Variants in CENPU observed in about 807,000 individuals in gnomAD.
The protein encoded by CENPU is KSHV latent nuclear antigen interacting protein 1.
CENPU carries 46 observed loss-of-function variants against 56.7 expected under a neutral mutation model. The ratio of observed to expected loss-of-function variants is 0.81; its 90% CI spans 0.64 to 1.04. The LOEUF (loss-of-function observed/expected upper bound fraction) is 1.04, where lower values mean the gene tolerates loss of function less well. Among genes scored for constraint, CENPU ranks in the 50% least tolerant of loss-of-function variants. CENPU has a pLI of 0.00. For missense variants in CENPU, 510 were observed against 490.1 expected, an observed-to-expected ratio of 1.04 and a Z score of -0.38; for synonymous variants, 166 against 163.0, an observed-to-expected ratio of 1.02 and a Z score of -0.14.
Position 184,734,072 on chromosome 4 carries a change from C to G in CENPU, c.-10G>C, listed in dbSNP as rs1009965835. On this transcript the variant is annotated 5_prime_UTR_variant, in exon 1 of 13. Coordinates refer to ENST00000281453, the MANE Select transcript of CENPU (RefSeq NM_024629.4). ...GCCCCCGCGGGGCCATGGTGCCGCT[C>G]TCCGCTCTCGAGCGACTGGAAGCTC... 1.9e-6 allele frequency: 3 copies of G among 1,550,656 alleles called. No homozygotes were observed. Among genetic ancestry groups the G allele is most frequent in the East Asian group, 4.9e-5 (2 of 41,172 alleles).
chr4:184,696,781 A>C (rs28542773), intron 12 of CENPU, among the ~76,000 whole-genome samples: 3 of 151,840 alleles, frequency 2.0e-5, no homozygotes, highest in African/African-American at 7.2e-5. Context: ...GGCAGATGGC[A>C]TAACAGTAGC....
At chr4:184,719,143 C>T (rs1370904659) in intron 4 of CENPU, among the ~76,000 whole-genome samples, 2 of 151,954 alleles carry the variant, frequency 1.3e-5, no homozygotes, top group African/African-American at 4.8e-5. Context: ...TGCAGGAACA[C>T]CAAGTTTAAC....
intron 4 of CENPU, among the ~76,000 whole-genome samples, chr4:184,723,586 GTAATC>G (rs1761348410): frequency 6.6e-6 from 1 of 152,138 alleles, no homozygotes; most frequent in South Asian, 2.1e-4. Context: ...GCTAACGCCT[GTAATC>G]CTAGCACTTT....
Position 184,695,372 on chromosome 4 carries a change from TA to T in CENPU, c.1172del (p.Leu391TyrfsTer21). The T allele has an allele frequency of 6.2e-7, 1 of 1,613,210 alleles. No homozygotes were observed. The highest frequency in any genetic ancestry group is 8.5e-7 in the Non-Finnish European group (1 of 1,179,256). On this transcript the variant is annotated frameshift_variant, in exon 13 of 13. Coordinates refer to ENST00000281453, the MANE Select transcript of CENPU (RefSeq NM_024629.4). LOFTEE classifies it high-confidence loss of function. Reference protein sequence around the residue: ...TYDSSSLPALLFKARTLLGAE... With the variant: ...TYDSSSLPALXFKARTLLGAE... Reference sequence around the variant, plus strand: ...CTCCCAGAAGTGTTCTTGCTTTAAATAACAGAGCTGGAAGGCTGGATGAATC... The same window carrying T: ...CTCCCAGAAGTGTTCTTGCTTTAAATACAGAGCTGGAAGGCTGGATGAATC...
chr4:184,697,447 T>C (rs987843442), intron 12 of CENPU, among the ~76,000 whole-genome samples, 200 bp downstream of exon 12: 2 of 151,178 alleles, frequency 1.3e-5, no homozygotes, highest in Non-Finnish European at 3.0e-5. Context: ...TTCTAGACAT[T>C]ACTCCTCCAG....
At chr4:184,727,357 A>G (rs1473248139) in intron 3 of CENPU, among the ~76,000 whole-genome samples, 1 of 152,186 alleles carries the variant, frequency 6.6e-6, no homozygotes, top group East Asian at 1.9e-4. Flanking sequence ...ATGGATGGTG[A>G]TGATGGTTGC....
chr4:184,733,917 T>A, intron 1 of CENPU, 99 bp downstream of exon 1: 2 of 1,525,788 alleles, frequency 1.3e-6, no homozygotes, highest in South Asian at 1.1e-5. Flanking sequence ...ACCTCCACAG[T>A]GGAGCACCAA....
chr4:184,731,799 C>T (rs999305194), intron 1 of CENPU, among the ~76,000 whole-genome samples: 6 of 151,718 alleles, frequency 4.0e-5, no homozygotes, highest in Admixed American at 1.3e-4. Flanking sequence ...GTTTTAGTAT[C>T]CTTTTATCTG....
chr4:184,705,235 C>T (rs914068040), intron 8 of CENPU, among the ~76,000 whole-genome samples: 1 of 152,160 alleles, frequency 6.6e-6, no homozygotes, highest in African/African-American at 2.4e-5. Context: ...AGAATGTTAC[C>T]TAGCAATGAA....
At chr4:184,712,161 T>C (rs1244550288) in intron 7 of CENPU, among the ~76,000 whole-genome samples, 1 of 144,224 alleles carries the variant, frequency 6.9e-6, no homozygotes, top group African/African-American at 2.5e-5. Context: ...TTTATTCAAA[T>C]AGCCAAAACC....
intron 6 of CENPU, among the ~76,000 whole-genome samples, chr4:184,715,441 T>C (rs974055602): frequency 9.9e-5 from 15 of 152,136 alleles, no homozygotes; most frequent in African/African-American, 3.4e-4. Context: ...ACCTTCTGAG[T>C]AGCTGCGATT....
intron 3 of CENPU, 107 bp downstream of exon 3, chr4:184,728,811 T>A: frequency 1.3e-6 from 1 of 777,586 alleles, no homozygotes. Context: ...TATATTTACA[T>A]GCAGGCAACT....
At chr4:184,718,276 A>G (rs888059317) in intron 4 of CENPU, among the ~76,000 whole-genome samples, 5 of 152,180 alleles carry the variant, frequency 3.3e-5, no homozygotes, top group Admixed American at 6.5e-5. Context: ...ATTCCTCCAG[A>G]GCTCCGCAGT....
chr4:184,724,230 C>T (rs1761381745), intron 4 of CENPU, among the ~76,000 whole-genome samples: 1 of 152,156 alleles, frequency 6.6e-6, no homozygotes, highest in Non-Finnish European at 1.5e-5. Flanking sequence ...TGAGCCACTG[C>T]ACTCCAGCGT....
chr4:184,730,074 C>A (rs534889640), intron 2 of CENPU, among the ~76,000 whole-genome samples: 1 of 152,250 alleles, frequency 6.6e-6, no homozygotes, highest in Admixed American at 6.5e-5. Context: ...GCATAGGGGG[C>A]CTCCACCAGG....
intron 1 of CENPU, 65 bp downstream of exon 1, chr4:184,733,951 G>C (rs1761748000): frequency 6.2e-7 from 1 of 1,602,998 alleles, no homozygotes. Context: ...CGCAAACCAC[G>C]GCAGGCGAGG....
chr4:184,727,119 A>C (rs1315786112), intron 3 of CENPU, among the ~76,000 whole-genome samples: 1 of 150,940 alleles, frequency 6.6e-6, no homozygotes, highest in African/African-American at 2.4e-5. Flanking sequence ...TCGTCTCCAA[A>C]AAAAAAAAAA....
chr4:184,708,211 AG>A (rs199938079), intron 8 of CENPU, among the ~76,000 whole-genome samples: 1,916 of 119,490 alleles, frequency 0.016, 62 homozygotes, highest in African/African-American at 0.055. Context: ...TGATAGAGTG[AG>A]ACTCCATCTC....
chr4:184,720,566 G>A (rs1205393732), intron 4 of CENPU, among the ~76,000 whole-genome samples: 2 of 152,044 alleles, frequency 1.3e-5, no homozygotes, highest in African/African-American at 4.8e-5. Context: ...TTAACCCAAA[G>A]GAAGACTCCC....
Sources: gnomAD v4.1 joint callset for allele counts (sites outside exome capture counted in the v4.1 genomes callset) on GRCh38, gnomAD v4.1.1 for gene constraint, MANE v1.5 for transcripts, NCBI Gene and HGNC (gene_info 2026-07-23, HGNC 2026-07-21) for gene names.